MX2: variants seen among roughly 807,000 people sequenced by gnomAD.
The protein encoded by MX2 is interferon-induced GTP-binding protein Mx2.
Under a neutral mutation model 74.0 loss-of-function variants are expected in MX2, and 51 were observed. The ratio of observed to expected loss-of-function variants is 0.69; its 90% CI spans 0.55 to 0.87. The LOEUF (loss-of-function observed/expected upper bound fraction) is 0.87. Ranked by LOEUF, MX2 falls within the 40% of genes least tolerant of loss-of-function variation. The probability of loss-of-function intolerance (pLI) is 0.00; values close to 1 mark genes in which losing one functional copy is unlikely to be tolerated. For synonymous variants in MX2, 369 were observed against 339.3 expected, an observed-to-expected ratio of 1.09 and a Z score of -0.96; for missense variants, 832 against 908.7, an observed-to-expected ratio of 0.92 and a Z score of 1.09.
chr21:41,380,543 C>T lies in MX2; in HGVS notation c.577+392C>T, dbSNP rs2089475773. Among the ~76,000 whole-genome samples the T allele has an allele frequency of 6.6e-6, 1 of 152,166 alleles. No individual in the cohort carries two copies. The highest frequency in any genetic ancestry group is 6.5e-5 in the Admixed American group (1 of 15,280). ...ATCTTTGGATCTCAGGTCACCTGCGCCCCCTTTGGAAATGCTGCTGCAGGA... is the reference window on the plus strand; with the variant it reads ...ATCTTTGGATCTCAGGTCACCTGCGTCCCCTTTGGAAATGCTGCTGCAGGA... On this transcript the variant is annotated intron_variant, in intron 4 of 13. Transcript: ENST00000330714. This position sits in a 1 kb window ranked among gnomAD's most constrained non-coding sequence, Gnocchi z 4.3.
intron 5 of MX2, among the ~76,000 whole-genome samples, chr21:41,386,466 A>C (rs2089579211): frequency 1.3e-5 from 2 of 152,180 alleles, no homozygotes; most frequent in Admixed American, 1.3e-4. Flanking sequence ...GGAGTGTGAA[A>C]GAGTAGGGAG....
chr21:41,393,110 C>CA (rs373955778), intron 6 of MX2, among the ~76,000 whole-genome samples: 3,032 of 60,092 alleles, frequency 0.05, 54 homozygotes, highest in Non-Finnish European at 0.064. Flanking sequence ...CTCAAAAAAG[C>CA]AAAAAAAAAA....
At chr21:41,394,372 C>T (rs545004384) in intron 6 of MX2, among the ~76,000 whole-genome samples, 1 of 152,264 alleles carries the variant, frequency 6.6e-6, no homozygotes, top group East Asian at 1.9e-4. Flanking sequence ...TCTCCCTCCC[C>T]ACTAGGCTGA....
chr21:41,368,898 TC>T lies in MX2; in HGVS notation c.-72+6846del. Among the ~76,000 whole-genome samples the T allele has an allele frequency of 6.6e-6, 1 of 152,018 alleles. No homozygotes were observed. The highest frequency in any genetic ancestry group is 1.5e-5 in the Non-Finnish European group (1 of 68,002). ...TGGCTAGGGGTTCAGAGTCCCAGGC[TC>T]CCTCCCAGACAGATGGGTGGAGTGA... On this transcript the variant is annotated intron_variant, in intron 1 of 13. Coordinates refer to ENST00000330714, the MANE Select transcript of MX2 (RefSeq NM_002463.2). This position sits in a 1 kb window ranked among gnomAD's most constrained non-coding sequence, Gnocchi z 4.6.
In MX2 at chr21:41,368,270, A is replaced by G. The variant is rs1290177453; in HGVS notation, c.-72+6215A>G. On this transcript the variant is annotated intron_variant, in intron 1 of 13. Coordinates refer to ENST00000330714, the MANE Select transcript of MX2 (RefSeq NM_002463.2). The surrounding 1 kb of genome is among the most constrained non-coding windows in gnomAD (Gnocchi z 4.6). ...TTCCGTGTCGTCTCCGTGAGCCTGC[A>G]GGGGCACCCAGCCAGCCGACAGGCT... Among the ~76,000 whole-genome samples, 2 of 152,138 alleles carry G rather than the reference A, an allele frequency of 1.3e-5. No homozygotes were observed. The highest frequency in any genetic ancestry group is 2.9e-5 in the Non-Finnish European group (2 of 68,028).
chr21:41,401,161 A>T (rs550401989), intron 10 of MX2: 1 of 149,114 alleles, frequency 6.7e-6, no homozygotes, highest in African/African-American at 2.6e-5. Context: ...GGATGGGGAC[A>T]CAGAGCCAAA....
At chr21:41,369,188 A>AG (rs905024819) in intron 1 of MX2, among the ~76,000 whole-genome samples, 2 of 152,008 alleles carry the variant, frequency 1.3e-5, no homozygotes, top group Non-Finnish European at 1.5e-5. Context: ...CCATGGGAGG[A>AG]GGGGGGTGCA....
intron 4 of MX2, among the ~76,000 whole-genome samples, chr21:41,381,684 C>CAAAAAAAAAAAAAAAAAAA (rs57350601): frequency 6.8e-5 from 4 of 58,456 alleles, no homozygotes; most frequent in African/African-American, 2.3e-4. Flanking sequence ...GACTCTGTCT[C>CAAAAAAAAAAAAAAAAAAA]AAAAAAAAAA....
chr21:41,363,792 G>A lies in MX2; in HGVS notation c.-72+1737G>A, dbSNP rs2838029. On this transcript the variant is annotated intron_variant, in intron 1 of 13. Coordinates refer to ENST00000330714, the MANE Select transcript of MX2 (RefSeq NM_002463.2). This position sits in a 1 kb window ranked among gnomAD's most constrained non-coding sequence, Gnocchi z 4.2. The stretch of plus-strand genomic sequence containing the variant: ...GACTTCAGCGGGAACCACCATGTCC[G>A]GCACAGCCATTTCCATCCTTCCCAG... 0.22 allele frequency: 34,649 copies of A among 155,168 alleles called. 5,649 individuals are homozygous for A. The highest frequency in any genetic ancestry group is 0.46 in the African/African-American group (19,102 of 41,540). 9.6% of individuals were successfully genotyped at this position (155,168 alleles called of 1,614,324 possible).
At chr21:41,404,907 AAGAG>A (rs988939578) in intron 12 of MX2, 10 of 151,564 alleles carry the variant, frequency 6.6e-5, no homozygotes, top group African/African-American at 2.2e-4. Context: ...AGAAAAAAAA[AAGAG>A]AAAGAACAAA....
rs1452426289 is a variant in MX2 at position 41,368,649 on chromosome 21, G to A, written c.-72+6594G>A. On this transcript the variant is annotated intron_variant, in intron 1 of 13. Coordinates refer to ENST00000330714, the MANE Select transcript of MX2 (RefSeq NM_002463.2). This position sits in a 1 kb window ranked among gnomAD's most constrained non-coding sequence, Gnocchi z 4.6. The stretch of plus-strand genomic sequence containing the variant: ...CTGCCCTTCATGAAAATGAGGGTGA[G>A]GGTGAGGGTGGCGACAGTTTTAAAT... Among the ~76,000 whole-genome samples, 2 of 152,202 alleles carry A rather than the reference G, an allele frequency of 1.3e-5. No homozygotes were observed. The highest frequency in any genetic ancestry group is 4.8e-5 in the African/African-American group (2 of 41,444).
chr21:41,382,013 A>C (rs892758224), intron 4 of MX2, among the ~76,000 whole-genome samples: 2 of 152,236 alleles, frequency 1.3e-5, no homozygotes, highest in Admixed American at 6.5e-5. Flanking sequence ...TATTCATTAG[A>C]AACAAGCCCC....
intron 2 of MX2, among the ~76,000 whole-genome samples, 174 bp from the exon 3 acceptor site, chr21:41,377,615 A>G (rs1050642780): frequency 9.9e-5 from 15 of 152,084 alleles, no homozygotes; most frequent in African/African-American, 3.6e-4. Flanking sequence ...TGAGGCCTCA[A>G]TAGGAACAGA....
In MX2 at chr21:41,402,403, G is replaced by A. The variant is rs528677509; in HGVS notation, c.1573+275G>A. 3.0e-4 allele frequency among the ~76,000 whole-genome samples: 45 copies of A among 152,324 alleles called. No individual in the cohort carries two copies. In the South Asian group the frequency reaches 8.7e-3, roughly 29 times the overall value. On this transcript the variant is annotated intron_variant, in intron 11 of 13. Transcript: ENST00000330714. This position sits in a 1 kb window ranked among gnomAD's most constrained non-coding sequence, Gnocchi z 4.5. ...CACTGAGTGCCATAGGCGTTCCATC[G>A]CTGTCCTTCAAACACGTGGAGGAGG...
chr21:41,399,320 CAACT>C lies in MX2; in HGVS notation c.1400_1403del (p.Thr467IlefsTer89), dbSNP rs1171803915. 3 of 1,613,786 alleles carry C rather than the reference CAACT, an allele frequency of 1.9e-6. No individual in the cohort carries two copies. The African/African-American group carries it at 4.0e-5, about 22-fold the overall frequency. On this transcript the variant is annotated frameshift_variant, in exon 10 of 14. Transcript: ENST00000330714. LOFTEE classifies it high-confidence loss of function. ...TTTAAAAACTGGGTAGGCATACTTG[CAACT>C]AATACCCAAAAAGGTAAGTTCTGGG...
At chr21:41,362,498 T>C (rs2089220799) in intron 1 of MX2, among the ~76,000 whole-genome samples, 4 of 152,188 alleles carry the variant, frequency 2.6e-5, no homozygotes, top group Admixed American at 2.6e-4. Context: ...GACGGTGATA[T>C]GCTGGGAAAT....
Position 41,402,249 on chromosome 21 carries a change from G to T in MX2, c.1573+121G>T. On this transcript the variant is annotated intron_variant, in intron 11 of 13. Transcript: ENST00000330714. This position sits in a 1 kb window ranked among gnomAD's most constrained non-coding sequence, Gnocchi z 4.5. Reference sequence around the variant, plus strand: ...CCAGCCTGCAGACACGCTCACTGGTGTGCTAGATTGCTACTCTGTGTGGTC... The same window carrying T: ...CCAGCCTGCAGACACGCTCACTGGTTTGCTAGATTGCTACTCTGTGTGGTC... 1 of 1,165,232 alleles carries T rather than the reference G, an allele frequency of 8.6e-7. No homozygotes were observed. Among genetic ancestry groups the T allele is most frequent in the South Asian group, 1.6e-5 (1 of 62,738 alleles). 72.2% of individuals were successfully genotyped at this position (1,165,232 alleles called of 1,614,324 possible). A position where few individuals can be genotyped will look rare whatever the true frequency, so the allele number is the denominator to read the frequency against.
intron 12 of MX2, 178 bp downstream of exon 12, chr21:41,403,521 T>C: frequency 1.3e-6 from 1 of 751,056 alleles, no homozygotes; most frequent in East Asian, 2.6e-5. Flanking sequence ...CCTGCCTGCC[T>C]GGCTTCTGCT....
rs370561843 is a variant in MX2, at chr21:41,397,605, C to T, written c.1071-8C>T. 2 of 1,612,842 alleles carry T rather than the reference C, an allele frequency of 1.2e-6. No homozygotes were observed. The highest frequency in any genetic ancestry group is 2.7e-5 in the African/African-American group (2 of 74,916). On this transcript the variant is annotated splice_polypyrimidine_tract_variant and splice_region_variant and intron_variant, in intron 7 of 13. Transcript: ENST00000330714. ...TTCCTGAATGCATGAATGTCTGTCT[C>T]ATTTCAGAGTTCTCCTGGAGGAGGG...
Sources: gnomAD v4.1 joint callset for allele counts (sites outside exome capture counted in the v4.1 genomes callset) on GRCh38, gnomAD v4.1.1 for gene constraint, Gnocchi (gnomAD v3.1) non-coding constraint, MANE v1.5 for transcripts, NCBI Gene and HGNC (gene_info 2026-07-23, HGNC 2026-07-21) for gene names.